Variants in EDNRB observed in about 807,000 individuals in gnomAD.
EDNRB encodes the protein Hirschsprung disease 2.
Under a neutral mutation model 46.4 loss-of-function variants are expected in EDNRB, and 18 were observed. That is an observed-to-expected ratio of 0.39 (90% CI 0.27 to 0.57). EDNRB has a LOEUF of 0.57. Ranked by LOEUF, EDNRB falls within the 20% of genes least tolerant of loss-of-function variation. The probability of loss-of-function intolerance (pLI) is 0.61; values close to 1 mark genes in which losing one functional copy is unlikely to be tolerated. For missense variants in EDNRB, 434 were observed against 537.5 expected (o/e 0.81, Z 1.90); for synonymous variants, 213 against 204.9 (o/e 1.04, Z -0.34).
intron 1 of EDNRB, among the ~76,000 whole-genome samples, chr13:77,928,519 T>G (rs1312294941): frequency 6.6e-6 from 1 of 152,352 alleles, no homozygotes; most frequent in South Asian, 2.1e-4. Flanking sequence ...TCAAGAGGAA[T>G]GTCTTTCCTG....
intron 1 of EDNRB, 125 bp from the exon 2 acceptor site, chr13:77,903,732 T>A: frequency 1.3e-6 from 1 of 798,422 alleles, no homozygotes; most frequent in Admixed American, 2.0e-5. Flanking sequence ...CTTTTTCTCA[T>A]GGACTACTTC....
intron 6 of EDNRB, chr13:77,899,405 T>G: frequency 9.2e-6 from 1 of 108,202 alleles, no homozygotes. Flanking sequence ...AAGAAAGAGG[T>G]AAAACCTAAA....
intron 1 of EDNRB, among the ~76,000 whole-genome samples, chr13:77,942,901 G>T (rs1345564067): frequency 1.3e-5 from 2 of 152,022 alleles, no homozygotes; most frequent in East Asian, 3.9e-4. Flanking sequence ...TCTACTTATA[G>T]TAATGGATAA....
At chr13:77,903,834 C>T (rs927857705) in intron 1 of EDNRB, among the ~76,000 whole-genome samples, 16 of 151,902 alleles carry the variant, frequency 1.1e-4, no homozygotes, top group Admixed American at 2.6e-4. Flanking sequence ...AGTCATCATG[C>T]GTATACAGTA....
intron 1 of EDNRB, among the ~76,000 whole-genome samples, chr13:77,969,340 T>C (rs192427206): frequency 6.6e-6 from 1 of 152,328 alleles, no homozygotes; most frequent in Non-Finnish European, 1.5e-5. Flanking sequence ...AGACCATTTG[T>C]TTTTTCCAAT....
chr13:77,952,606 A>G (rs939181855), intron 1 of EDNRB, among the ~76,000 whole-genome samples: 8 of 152,236 alleles, frequency 5.3e-5, no homozygotes, highest in African/African-American at 1.9e-4. Context: ...GAAAAATTAA[A>G]GTACTACAAT....
At chr13:77,933,216 C>A (rs2137656020) in intron 1 of EDNRB, among the ~76,000 whole-genome samples, 1 of 152,274 alleles carries the variant, frequency 6.6e-6, no homozygotes, top group Middle Eastern at 3.4e-3. Context: ...TTCTGGTGAG[C>A]AGAGTTTCAT....
Position 77,901,062 on chromosome 13 carries a change from T to C in EDNRB, c.947A>G (p.Lys316Arg), listed in dbSNP as rs1238777762. Residue 316 changes from lysine to arginine, a missense_variant, in exon 4 of 7, where the codon AAG (lysine) becomes AGG (arginine). Lys to Arg is a conservative substitution (Grantham distance 26). Coordinates refer to ENST00000646607, the MANE Select transcript of EDNRB (RefSeq NM_001122659.3). ...GMQIALNDHLKQRREVAKTVF... is the reference protein window; with the variant it reads ...GMQIALNDHLRQRREVAKTVF... Reference sequence around the variant, plus strand: ...CAAATATTTGTATTTTCTTACCTGCTTTAGGTGATCATTTAAAGCAATCTG... The same window carrying C: ...CAAATATTTGTATTTTCTTACCTGCCTTAGGTGATCATTTAAAGCAATCTG... 6.2e-7 allele frequency: 1 copy of C among 1,610,394 alleles called. No homozygotes were observed. Among genetic ancestry groups the C allele is most frequent in the East Asian group, 2.2e-5 (1 of 44,672 alleles).
intron 1 of EDNRB, among the ~76,000 whole-genome samples, chr13:77,949,055 AT>A (rs1372626082): frequency 6.6e-6 from 1 of 152,338 alleles, no homozygotes; most frequent in East Asian, 1.9e-4. Flanking sequence ...TTGATCACTG[AT>A]TTTTAAAATT....
chr13:77,911,421 CACTG>C (rs1300916164), intron 1 of EDNRB, among the ~76,000 whole-genome samples: 1 of 152,016 alleles, frequency 6.6e-6, no homozygotes, highest in African/African-American at 2.4e-5. Flanking sequence ...AGGCTGAACA[CACTG>C]AGTGAGTGGG....
chr13:77,919,437 G>C, upstream of EDNRB: 1 of 1,612,662 alleles, frequency 6.2e-7, no homozygotes, highest in East Asian at 2.2e-5. Flanking sequence ...GACGAATGGA[G>C]ACCACCTTCC....
chr13:77,964,563 G>A (rs1881524091), intron 1 of EDNRB, among the ~76,000 whole-genome samples: 1 of 152,118 alleles, frequency 6.6e-6, no homozygotes, highest in Non-Finnish European at 1.5e-5. Flanking sequence ...TCACTCATAG[G>A]TGGGAATTGA....
chr13:77,947,824 C>T (rs1477320091), intron 1 of EDNRB: 1 of 144,166 alleles, frequency 6.9e-6, no homozygotes, highest in Non-Finnish European at 1.5e-5. Context: ...ATATGTTGCT[C>T]AGGCTGGTCT....
Position 77,958,595 on chromosome 13 carries a change from C to T in EDNRB, c.-52+16752G>A, listed in dbSNP as rs999986330. 1.4e-4 allele frequency among the ~76,000 whole-genome samples: 22 copies of T among 152,170 alleles called. No homozygotes were observed. The East Asian group carries it at 3.7e-3, about 25-fold the overall frequency. On this transcript the variant is annotated intron_variant, in intron 1 of 7. Transcript: ENST00000646948. The stretch of plus-strand genomic sequence containing the variant: ...TTCACCATGTTAGCCAGGATGGTCT[C>T]GATCTCCTGACCTTGGAACCCGCCT...
chr13:77,933,384 G>A (rs149316699), intron 1 of EDNRB, among the ~76,000 whole-genome samples: 8 of 152,294 alleles, frequency 5.3e-5, no homozygotes, highest in African/African-American at 1.9e-4. Flanking sequence ...GAAAATTACA[G>A]TCAAAGGGGG....
At chr13:77,926,263 A>G (rs1484149830) in intron 1 of EDNRB, among the ~76,000 whole-genome samples, 1 of 152,240 alleles carries the variant, frequency 6.6e-6, no homozygotes, top group East Asian at 1.9e-4. Context: ...TGGAGGAGAA[A>G]GAAAATGGGT....
chr13:77,954,478 GTATTTATTTATTTATTTATTTATTTATT>G (rs3039607), intron 1 of EDNRB, among the ~76,000 whole-genome samples: 2,126 of 140,514 alleles, frequency 0.015, 51 homozygotes, highest in East Asian at 0.026. Flanking sequence ...TTTTAAGAAA[GTATTTATTTATTTATTTATTTATTTATT>G]TATTTATTTA....
Position 77,898,242 on chromosome 13 carries a change from T to C in EDNRB, c.1287A>G (p.Gly429=). The C allele has an allele frequency of 6.2e-7, 1 of 1,612,114 alleles. No individual in the cohort carries two copies. Among genetic ancestry groups the C allele is most frequent in the Non-Finnish European group, 8.5e-7 (1 of 1,178,806 alleles). The change falls in exon 7 of 7, where the codon GGA becomes GGG. Residue 429 remains glycine, a synonymous_variant. Transcript: ENST00000646607. ...SCLKFKANDH[G]YDNFRSSNKY... ...TATTACTGGAACGGAAGTTGTCATA[T>C]CCGTGATCATTAGCTTTGAACTTTA...
At chr13:77,958,133 A>G (rs951348831) in intron 1 of EDNRB, among the ~76,000 whole-genome samples, 1 of 152,210 alleles carries the variant, frequency 6.6e-6, no homozygotes, top group Non-Finnish European at 1.5e-5. Context: ...TCACTTGCAA[A>G]GTATTGGAAA....
Sources: allele counts gnomAD v4.1 joint callset (sites outside exome capture counted in the v4.1 genomes callset), GRCh38; gene constraint gnomAD v4.1.1; transcripts MANE v1.5; gene names NCBI Gene and HGNC (gene_info 2026-07-23, HGNC 2026-07-21).